STK10: variants seen among roughly 807,000 people sequenced by gnomAD.
STK10 encodes the protein serine/threonine kinase 10, also known as serine/threonine-protein kinase 10.
Under a neutral mutation model 113.8 loss-of-function variants are expected in STK10, and 78 were observed. The observed-to-expected ratio is 0.69, with a 90% confidence interval of 0.57 to 0.83. The LOEUF (loss-of-function observed/expected upper bound fraction) is 0.83. Ranked by LOEUF, STK10 falls within the 40% of genes least tolerant of loss-of-function variation. STK10 has a pLI of 0.00. For missense variants in STK10, 1,109 were observed against 1,280.1 expected, an observed-to-expected ratio of 0.87 and a Z score of 2.04; for synonymous variants, 465 against 494.7, an observed-to-expected ratio of 0.94 and a Z score of 0.80.
intron 7 of STK10, among the ~76,000 whole-genome samples, chr5:172,101,816 G>A (rs1194429046): frequency 3.3e-5 from 5 of 152,192 alleles, no homozygotes; most frequent in South Asian, 2.1e-4. Context: ...AGAGGGATCC[G>A]GAGGAAGGCC....
chr5:172,071,844 T>C (rs903840105), intron 12 of STK10, among the ~76,000 whole-genome samples: 10 of 152,216 alleles, frequency 6.6e-5, no homozygotes, highest in African/African-American at 2.4e-4. Flanking sequence ...TTGCAATAAA[T>C]CACTCTATGC....
chr5:172,156,888 C>T (rs545795475), intron 1 of STK10, 100 bp from the exon 2 acceptor site: 11 of 1,380,474 alleles, frequency 8.0e-6, no homozygotes, highest in African/African-American at 5.8e-5. Flanking sequence ...AAACAGAGGC[C>T]GGATGTCCAG....
In STK10 at chr5:172,156,746, T is replaced by A; in HGVS notation, c.199A>T (p.Ile67Phe). 1 of 1,614,146 alleles carries A rather than the reference T, an allele frequency of 6.2e-7. No homozygotes were observed. The highest frequency in any genetic ancestry group is 8.5e-7 in the Non-Finnish European group (1 of 1,179,980). Reference protein sequence around the residue: ...ETGALAAAKVIETKSEEELED... With the variant: ...ETGALAAAKVFETKSEEELED... ...AGCTCCTCCTCACTCTTGGTTTCAA[T>A]GACTTTGGCCGCAGCCAAAGCACCC... Residue 67 changes from isoleucine (I) to phenylalanine (F), a missense_variant, in exon 2 of 19, where the codon ATT becomes TTT. Ile to Phe is a conservative substitution (Grantham distance 21, BLOSUM62 0). This residue lies in a region of STK10 where 120 missense variants were observed against 134.8 expected (regional missense o/e 0.89). Coordinates refer to ENST00000176763, the MANE Select transcript of STK10 (RefSeq NM_005990.4).
rs1770353410 is a variant in STK10 at position 172,156,660 on chromosome 5, C to T, written c.285G>A (p.Lys95=). The change falls in exon 2 of 19, where the codon AAG becomes AAA. Residue 95 remains lysine (K), a synonymous_variant. Coordinates refer to ENST00000176763, the MANE Select transcript of STK10 (RefSeq NM_005990.4). ...LATCDHPYIV[K]LLGAYYHDGK... is the part of the protein sequence containing the mutation. Reference sequence around the variant, plus strand: ...CGTCGTGATAGTAGGCTCCCAGGAGCTTCACAATGTAGGGGTGGTCGCAGG... The same window carrying T: ...CGTCGTGATAGTAGGCTCCCAGGAGTTTCACAATGTAGGGGTGGTCGCAGG... The T allele has an allele frequency of 1.9e-6, 3 of 1,614,076 alleles. No homozygotes were observed. Among genetic ancestry groups the T allele is most frequent in the Non-Finnish European group, 8.5e-7 (1 of 1,179,970 alleles).
At chr5:172,061,097 C>A (rs896123908) in intron 14 of STK10, 42 bp downstream of exon 14, 6 of 1,564,186 alleles carry the variant, frequency 3.8e-6, no homozygotes, top group Non-Finnish European at 4.3e-6. Flanking sequence ...ATGTCCACAG[C>A]GACTCTGGGC....
chr5:172,131,873 G>A (rs1769763567), intron 2 of STK10, among the ~76,000 whole-genome samples: 1 of 152,204 alleles, frequency 6.6e-6, no homozygotes. Flanking sequence ...ACAGTAATGG[G>A]AGGTGTTTAG....
At chr5:172,095,540 T>C (rs1768829425) in intron 8 of STK10, among the ~76,000 whole-genome samples, 1 of 152,212 alleles carries the variant, frequency 6.6e-6, no homozygotes. Flanking sequence ...GGTTACCCTG[T>C]GTCAGAGCTG....
chr5:172,057,514 C>A lies in STK10; in HGVS notation c.2213-41G>T, dbSNP rs773600227. Reference sequence around the variant, plus strand: ...CACCGAGCTGGTGAGGTGCTGACAACCAGAGACTCGACAGGCCCCCTGCCC... The same window carrying A: ...CACCGAGCTGGTGAGGTGCTGACAAACAGAGACTCGACAGGCCCCCTGCCC... On this transcript the variant is annotated intron_variant, in intron 14 of 18. Transcript: ENST00000176763. The A allele has an allele frequency of 3.3e-6, 5 of 1,532,356 alleles. No homozygotes were observed. The African/African-American group carries it at 6.9e-5, about 21-fold the overall frequency. 94.9% of individuals were successfully genotyped at this position (1,532,356 alleles called of 1,614,324 possible).
In STK10 at chr5:172,067,481, C is replaced by T. The variant is rs547925159; in HGVS notation, c.1990-2669G>A. 2.1e-4 allele frequency among the ~76,000 whole-genome samples: 32 copies of T among 151,830 alleles called. No individual in the cohort carries two copies. In the East Asian group the frequency reaches 3.1e-3, roughly 15 times the overall value. On this transcript the variant is annotated intron_variant, in intron 12 of 18. Transcript: ENST00000176763. ...AGAATCAGGAAATAGAACCAATTTTCAAAGAAAAAGGCAATCAATAGATGT... is the reference window on the plus strand; with the variant it reads ...AGAATCAGGAAATAGAACCAATTTTTAAAGAAAAAGGCAATCAATAGATGT...
chr5:172,184,101 C>T (rs1443665080), intron 1 of STK10, among the ~76,000 whole-genome samples: 1 of 152,112 alleles, frequency 6.6e-6, no homozygotes, highest in African/African-American at 2.4e-5. Context: ...ACTGGCAGTC[C>T]CTCCTCAGCT....
chr5:172,110,504 A>G (rs964988333), intron 4 of STK10, among the ~76,000 whole-genome samples: 2 of 152,116 alleles, frequency 1.3e-5, no homozygotes, highest in East Asian at 3.9e-4. Context: ...GGAGAAGAAC[A>G]CAGTGCTGGG....
In STK10 at chr5:172,082,866, T is replaced by C. The variant is rs181753114; in HGVS notation, c.1809+95A>G. On this transcript the variant is annotated intron_variant, in intron 11 of 18. Coordinates refer to ENST00000176763, the MANE Select transcript of STK10 (RefSeq NM_005990.4). This position sits in a 1 kb window ranked among gnomAD's most constrained non-coding sequence, Gnocchi z 4.3. ...GAATTGGGCAATTGTTGTGAATTAC[T>C]CTCCACTACCCAATCATTCCCACTA... 1.3e-4 allele frequency: 192 copies of C among 1,535,190 alleles called. No homozygotes were observed. In the East Asian group the frequency reaches 4.2e-3, roughly 34 times the overall value.
intron 1 of STK10, among the ~76,000 whole-genome samples, chr5:172,166,462 C>T (rs11134733): frequency 0.64 from 97,839 of 152,024 alleles, 32,247 homozygotes; most frequent in African/African-American, 0.8. Flanking sequence ...ACACAACACG[C>T]GTGTATCAAG....
chr5:172,135,415 G>C (rs768732853), intron 2 of STK10, among the ~76,000 whole-genome samples: 5 of 152,126 alleles, frequency 3.3e-5, no homozygotes, highest in Non-Finnish European at 7.3e-5. Flanking sequence ...AGGAGGCTGA[G>C]ACAAAAGAAT....
intron 4 of STK10, among the ~76,000 whole-genome samples, chr5:172,111,135 G>A (rs964912028): frequency 6.6e-5 from 10 of 152,252 alleles, no homozygotes; most frequent in East Asian, 1.9e-4. Context: ...TCTGGCAGGC[G>A]GCTCCCCTGG....
chr5:172,095,550 G>A (rs1373032408), intron 8 of STK10, among the ~76,000 whole-genome samples: 1 of 152,248 alleles, frequency 6.6e-6, no homozygotes, highest in African/African-American at 2.4e-5. Flanking sequence ...TGTCAGAGCT[G>A]TAGAGGGCCC....
chr5:172,072,709 C>G (rs1309732541), intron 12 of STK10, among the ~76,000 whole-genome samples: 5 of 152,208 alleles, frequency 3.3e-5, no homozygotes, highest in African/African-American at 1.2e-4. Context: ...AAATGGGGAA[C>G]AAGGCAAAGA....
intron 7 of STK10, among the ~76,000 whole-genome samples, chr5:172,103,865 C>A (rs1769045769): frequency 6.6e-6 from 1 of 152,202 alleles, no homozygotes; most frequent in African/African-American, 2.4e-5. Context: ...TCACAACCAC[C>A]CAGTAAGGGG....
chr5:172,170,968 G>A (rs1209125075), intron 1 of STK10, among the ~76,000 whole-genome samples: 1 of 152,160 alleles, frequency 6.6e-6, no homozygotes, highest in African/African-American at 2.4e-5. Context: ...GCACTTTATG[G>A]AGGGCCACCT....
Sources: gnomAD v4.1 joint callset for allele counts (sites outside exome capture counted in the v4.1 genomes callset) on GRCh38, gnomAD v4.1.1 for gene constraint, gnomAD v4.1.1 regional missense constraint, Gnocchi (gnomAD v3.1) non-coding constraint, MANE v1.5 for transcripts, NCBI Gene and HGNC (gene_info 2026-07-23, HGNC 2026-07-21) for gene names.